The following UBE2E2 variants were observed in gnomAD, a reference collection of about 807,000 sequenced individuals.
UBE2E2 encodes the protein ubiquitin-conjugating enzyme E2 E2.
A neutral mutation model predicts 24.7 loss-of-function variants in UBE2E2; 6 were observed. That is an observed-to-expected ratio of 0.24 (90% CI 0.13 to 0.48). UBE2E2 has a LOEUF of 0.48. UBE2E2 is among the 20% of genes least tolerant of loss of function. The pLI is 0.99. For synonymous variants in UBE2E2, 104 were observed against 83.6 expected (o/e 1.24, Z -1.33); for missense variants, 169 against 245.0 (o/e 0.69, Z 2.07).
chr3:23,332,099 G>A (rs1344464697), intron 3 of UBE2E2, among the ~76,000 whole-genome samples: 2 of 151,902 alleles, frequency 1.3e-5, no homozygotes, highest in East Asian at 3.9e-4. Flanking sequence ...TTGTATTAAT[G>A]CTATTGCTGT....
intron 5 of UBE2E2, among the ~76,000 whole-genome samples, chr3:23,550,376 C>T (rs1695615300): frequency 6.6e-6 from 1 of 152,170 alleles, no homozygotes. Flanking sequence ...CAAGCCCAAG[C>T]CTCTTTTAAC....
At chr3:23,371,435 T>C (rs1053198894) in intron 3 of UBE2E2, among the ~76,000 whole-genome samples, 1 of 152,196 alleles carries the variant, frequency 6.6e-6, no homozygotes, top group Non-Finnish European at 1.5e-5. Flanking sequence ...ATTGGTTCTT[T>C]ATAGTCTCTG....
intron 4 of UBE2E2, among the ~76,000 whole-genome samples, chr3:23,505,431 A>G (rs1694423819): frequency 6.6e-6 from 1 of 151,940 alleles, no homozygotes; most frequent in Non-Finnish European, 1.5e-5. Context: ...TTTGTTTTTT[A>G]TTTTCAGTAT....
At chr3:23,508,307 G>A (rs1341123436) in intron 4 of UBE2E2, among the ~76,000 whole-genome samples, 1 of 152,212 alleles carries the variant, frequency 6.6e-6, no homozygotes, top group Non-Finnish European at 1.5e-5. Flanking sequence ...TTACTAAGAA[G>A]TAGGATTGGG....
chr3:23,447,808 A>G (rs1032365266), intron 3 of UBE2E2, among the ~76,000 whole-genome samples: 4 of 152,284 alleles, frequency 2.6e-5, no homozygotes, highest in Admixed American at 2.0e-4. Flanking sequence ...AGCTTTTCTC[A>G]GTGGTTTGTA....
intron 3 of UBE2E2, among the ~76,000 whole-genome samples, chr3:23,221,347 T>A (rs546184735): frequency 4.9e-4 from 75 of 152,300 alleles, no homozygotes; most frequent in African/African-American, 1.7e-3. Flanking sequence ...ACTTTTAGGT[T>A]TTTAGTATAG....
chr3:23,486,320 C>T (rs974391339), intron 3 of UBE2E2, among the ~76,000 whole-genome samples: 1 of 152,188 alleles, frequency 6.6e-6, no homozygotes, highest in Non-Finnish European at 1.5e-5. Context: ...AAGGGGAATG[C>T]AGTGGCACCT....
intron 3 of UBE2E2, among the ~76,000 whole-genome samples, chr3:23,377,323 G>A (rs994761254): frequency 6.6e-6 from 1 of 152,186 alleles, no homozygotes; most frequent in Admixed American, 6.5e-5. Context: ...ATCTAAAAGT[G>A]TGTTACTCTG....
chr3:23,376,703 A>G (rs535559814), intron 3 of UBE2E2, among the ~76,000 whole-genome samples: 1 of 152,332 alleles, frequency 6.6e-6, no homozygotes, highest in East Asian at 1.9e-4. Context: ...TTCAGAGATT[A>G]GCTGGAATGA....
At chr3:23,455,219 C>T (rs1443772249) in intron 3 of UBE2E2, among the ~76,000 whole-genome samples, 1 of 152,168 alleles carries the variant, frequency 6.6e-6, no homozygotes, top group Non-Finnish European at 1.5e-5. Flanking sequence ...TCTGTGTCTA[C>T]CACACAAGTG....
intron 3 of UBE2E2, among the ~76,000 whole-genome samples, chr3:23,304,825 T>C (rs1699196593): frequency 6.6e-6 from 1 of 152,160 alleles, no homozygotes; most frequent in Admixed American, 6.6e-5. Context: ...ATACCGGGTA[T>C]GCATACATTT....
chr3:23,538,862 C>A (rs1038463238), intron 5 of UBE2E2, among the ~76,000 whole-genome samples: 25 of 152,172 alleles, frequency 1.6e-4, no homozygotes, highest in Non-Finnish European at 2.9e-4. Flanking sequence ...AGGATTATTT[C>A]CCTACTTTGT....
intron 3 of UBE2E2, among the ~76,000 whole-genome samples, chr3:23,360,323 T>C (rs1171199077): frequency 1.3e-5 from 2 of 152,128 alleles, no homozygotes; most frequent in East Asian, 3.9e-4. Context: ...GTGAGTCCTT[T>C]CTCCCTATTA....
At chr3:23,379,009 C>T (rs779704990) in intron 3 of UBE2E2, among the ~76,000 whole-genome samples, 1 of 152,166 alleles carries the variant, frequency 6.6e-6, no homozygotes, top group South Asian at 2.1e-4. Context: ...ATATACTTCT[C>T]AGTGACTGAA....
chr3:23,522,268 C>A (rs1694886296), intron 4 of UBE2E2, among the ~76,000 whole-genome samples: 1 of 151,738 alleles, frequency 6.6e-6, no homozygotes, highest in Admixed American at 6.6e-5. Flanking sequence ...GTAGCTGGGA[C>A]TACAGGCGCC....
At chr3:23,437,088 G>A (rs949156172) in intron 3 of UBE2E2, among the ~76,000 whole-genome samples, 4 of 152,190 alleles carry the variant, frequency 2.6e-5, no homozygotes, top group African/African-American at 9.7e-5. Flanking sequence ...CCTGCTTCTG[G>A]AGGCTCATCT....
chr3:23,573,188 C>A (rs1268882907), intron 5 of UBE2E2, among the ~76,000 whole-genome samples: 1 of 151,998 alleles, frequency 6.6e-6, no homozygotes, highest in Non-Finnish European at 1.5e-5. Context: ...AGAATCAGGT[C>A]CAGATACACA....
At chr3:23,475,460 A>G (rs781733502) in intron 3 of UBE2E2, among the ~76,000 whole-genome samples, 3 of 151,980 alleles carry the variant, frequency 2.0e-5, no homozygotes, top group Admixed American at 6.5e-5. Flanking sequence ...ATCATCTTAT[A>G]CCTCAGTCAC....
At chr3:23,569,261 G>T (rs574420151) in intron 5 of UBE2E2, among the ~76,000 whole-genome samples, 110 of 152,292 alleles carry the variant, frequency 7.2e-4, no homozygotes, top group African/African-American at 2.3e-3. Context: ...AAAGTTTTCA[G>T]ATTAGGGAAC....
Sources: gnomAD v4.1 joint callset for allele counts (sites outside exome capture counted in the v4.1 genomes callset) on GRCh38, gnomAD v4.1.1 for gene constraint, MANE v1.5 for transcripts, NCBI Gene and HGNC (gene_info 2026-07-23, HGNC 2026-07-21) for gene names.